The following SDK1 variants were observed in gnomAD, a reference collection of about 807,000 sequenced individuals.
The protein encoded by SDK1 is sidekick cell adhesion molecule 1, also known as protein sidekick-1.
SDK1 carries 157 observed loss-of-function variants against 245.5 expected under a neutral mutation model. That is an observed-to-expected ratio of 0.64 (90% CI 0.56 to 0.73). The LOEUF (loss-of-function observed/expected upper bound fraction) is 0.73. Ranked by LOEUF, SDK1 falls within the 30% of genes least tolerant of loss-of-function variation. SDK1 has a pLI of 0.00. For synonymous variants in SDK1, 1,647 were observed against 1,278.5 expected, an observed-to-expected ratio of 1.29 and a Z score of -6.15; for missense variants, 3,583 against 3,002.3, an observed-to-expected ratio of 1.19 and a Z score of -4.52.
Position 4,241,842 on chromosome 7 carries a change from A to T in SDK1, c.6180A>T (p.Gly2060=). ...MEESVTLDNG[G]FAALELSSRH... is the part of the protein sequence containing the mutation. ...AGTCTGTGACCCTGGACAACGGAGG[A>T]TTTGCTGCCCTGGAGCTCAGCAGCC... Residue 2060 remains glycine, a synonymous_variant, in exon 43 of 45, where the codon GGA becomes GGT. Transcript: ENST00000404826. The T allele has an allele frequency of 6.2e-7, 1 of 1,614,144 alleles. No homozygotes were observed. Among genetic ancestry groups the T allele is most frequent in the Non-Finnish European group, 8.5e-7 (1 of 1,180,024 alleles).
chr7:3,928,189 A>T (rs895619215), intron 5 of SDK1, among the ~76,000 whole-genome samples: 1 of 152,228 alleles, frequency 6.6e-6, no homozygotes, highest in Non-Finnish European at 1.5e-5. Context: ...AATTATACTC[A>T]TTATCTACTG....
intron 1 of SDK1, among the ~76,000 whole-genome samples, chr7:3,439,387 A>T (rs917582520): frequency 6.6e-6 from 1 of 152,188 alleles, no homozygotes; most frequent in African/African-American, 2.4e-5. Context: ...GTTCCTCTAG[A>T]GACTACTGTT....
intron 1 of SDK1, among the ~76,000 whole-genome samples, chr7:3,339,580 C>A (rs1455609176): frequency 6.6e-6 from 1 of 151,810 alleles, no homozygotes; most frequent in Non-Finnish European, 1.5e-5. Context: ...TGTTCTGTGG[C>A]AATAATGGAA....
intron 17 of SDK1, among the ~76,000 whole-genome samples, chr7:4,037,046 C>G (rs1788273073): frequency 1.3e-5 from 2 of 152,096 alleles, no homozygotes; most frequent in Admixed American, 1.3e-4. Context: ...GACCCCTTCA[C>G]CAAAAGTAAT....
intron 1 of SDK1, chr7:3,302,530 G>C (rs1352567377): frequency 6.6e-6 from 1 of 152,008 alleles, no homozygotes; most frequent in Non-Finnish European, 1.5e-5. Context: ...AAGAGGATCT[G>C]CTGAATGGAA....
chr7:4,179,189 C>T (rs915219444), intron 35 of SDK1: 1 of 152,346 alleles, frequency 6.6e-6, no homozygotes, highest in East Asian at 1.9e-4. Flanking sequence ...AACGCCATTC[C>T]TTCGGCCAAG....
At chr7:3,592,392 C>G (rs1419201348) in intron 1 of SDK1, among the ~76,000 whole-genome samples, 2 of 152,218 alleles carry the variant, frequency 1.3e-5, no homozygotes, top group African/African-American at 4.8e-5. Flanking sequence ...ATGCAAGGAT[C>G]TAGCCTGTGC....
At chr7:3,467,620 A>C (rs1781048773) in intron 1 of SDK1, among the ~76,000 whole-genome samples, 1 of 152,062 alleles carries the variant, frequency 6.6e-6, no homozygotes, top group Admixed American at 6.5e-5. Context: ...GTTGGAATTT[A>C]TGTTTTGCAG....
At chr7:3,431,334 A>G (rs907912844) in intron 1 of SDK1, among the ~76,000 whole-genome samples, 7 of 150,612 alleles carry the variant, frequency 4.6e-5, no homozygotes, top group Non-Finnish European at 8.9e-5. Flanking sequence ...GACCCCGGGT[A>G]GAATCACTCT....
intron 1 of SDK1, among the ~76,000 whole-genome samples, chr7:3,507,943 C>G (rs1368417550): frequency 2.0e-5 from 3 of 152,158 alleles, no homozygotes; most frequent in African/African-American, 7.2e-5. Context: ...GTCTTAATCT[C>G]ACTTGATTCC....
intron 28 of SDK1, among the ~76,000 whole-genome samples, chr7:4,142,127 C>T (rs1001826954): frequency 1.3e-5 from 2 of 152,130 alleles, no homozygotes; most frequent in Non-Finnish European, 2.9e-5. Flanking sequence ...GTGAGATGAT[C>T]CCACCTCGAC....
At chr7:3,350,193 G>T (rs896003543) in intron 1 of SDK1, among the ~76,000 whole-genome samples, 2 of 152,180 alleles carry the variant, frequency 1.3e-5, no homozygotes, top group African/African-American at 4.8e-5. Flanking sequence ...GAGACACTCA[G>T]TCTATCAGAA....
chr7:3,638,478 T>A (rs1384507273), intron 2 of SDK1, among the ~76,000 whole-genome samples: 1 of 151,806 alleles, frequency 6.6e-6, no homozygotes, highest in Non-Finnish European at 1.5e-5. Context: ...GTTCATGTCC[T>A]TTGTAGGGAC....
chr7:3,610,612 A>G (rs1344678199), intron 1 of SDK1, among the ~76,000 whole-genome samples: 1 of 152,248 alleles, frequency 6.6e-6, no homozygotes, highest in South Asian at 2.1e-4. Context: ...GTACATAAAT[A>G]TAGCCATATA....
At chr7:3,655,842 C>G (rs1783166391) in intron 4 of SDK1, among the ~76,000 whole-genome samples, 1 of 151,878 alleles carries the variant, frequency 6.6e-6, no homozygotes, top group South Asian at 2.1e-4. Context: ...CGCTGTGTGA[C>G]CTTGGGAAGA....
chr7:3,532,849 T>A (rs1381825056), intron 1 of SDK1, among the ~76,000 whole-genome samples: 1 of 151,966 alleles, frequency 6.6e-6, no homozygotes, highest in Non-Finnish European at 1.5e-5. Flanking sequence ...TGGCCCTCTT[T>A]CAGGCTCTTT....
At chr7:3,603,079 C>A (rs1781301736) in intron 1 of SDK1, among the ~76,000 whole-genome samples, 2 of 151,812 alleles carry the variant, frequency 1.3e-5, no homozygotes, top group African/African-American at 4.8e-5. Context: ...GTTTTGGTTA[C>A]TGTAGCCTTG....
At chr7:4,044,867 C>G (rs868331505) in intron 17 of SDK1, among the ~76,000 whole-genome samples, 2 of 152,168 alleles carry the variant, frequency 1.3e-5, no homozygotes, top group South Asian at 4.1e-4. Flanking sequence ...CATTCACCAG[C>G]GTGACGGAGA....
chr7:3,770,352 C>T (rs1011761374), intron 4 of SDK1, among the ~76,000 whole-genome samples: 5 of 152,078 alleles, frequency 3.3e-5, no homozygotes, highest in African/African-American at 4.8e-5. Flanking sequence ...CAGTTTGTTT[C>T]GCCATTCACC....
Sources: allele counts gnomAD v4.1 joint callset (sites outside exome capture counted in the v4.1 genomes callset), GRCh38; gene constraint gnomAD v4.1.1; transcripts MANE v1.5; gene names NCBI Gene and HGNC (gene_info 2026-07-23, HGNC 2026-07-21).